Variants in OCM2 observed in about 807,000 individuals in gnomAD.
OCM2 encodes oncomodulin 2.
A neutral mutation model predicts 13.6 loss-of-function variants in OCM2; 6 were observed. That is an observed-to-expected ratio of 0.44 (90% CI 0.24 to 0.87). The LOEUF is 0.87. OCM2 is among the 40% of genes least tolerant of loss of function. The probability of loss-of-function intolerance (pLI) is 0.22; values close to 1 mark genes in which losing one functional copy is unlikely to be tolerated. For missense variants in OCM2, 118 were observed against 136.8 expected (o/e 0.86, Z 0.68); for synonymous variants, 40 against 50.7 (o/e 0.79, Z 0.90).
In OCM2 at chr7:97,987,920, G is replaced by A. The variant is rs370063643; in HGVS notation, c.194+496C>T. Among the ~76,000 whole-genome samples, 26 of 152,148 alleles carry A rather than the reference G, an allele frequency of 1.7e-4. No homozygotes were observed. In the East Asian group the frequency reaches 2.9e-3, roughly 17 times the overall value. ...TGAAAGAATCTTTGCGGCTGGGCAC[G>A]GTGGCTCACACCTGTAATCCCAGCA... On this transcript the variant is annotated intron_variant, in intron 2 of 3. Coordinates refer to ENST00000257627, the Ensembl canonical transcript of OCM2.
At chr7:97,987,832 G>A (rs928067623) in intron 2 of OCM2, among the ~76,000 whole-genome samples, 1 of 152,176 alleles carries the variant, frequency 6.6e-6, no homozygotes, top group Non-Finnish European at 1.5e-5. Context: ...ACAGGCGTGA[G>A]CCACCGCGCT....
At chr7:97,987,967 G>A (rs1199672322) in intron 2 of OCM2, among the ~76,000 whole-genome samples, 1 of 152,154 alleles carries the variant, frequency 6.6e-6, no homozygotes, top group Admixed American at 6.6e-5. Flanking sequence ...CAAGGCAGGA[G>A]GATCACTTGA....
At chr7:97,989,817 C>G (rs1794714143) in intron 1 of OCM2, among the ~76,000 whole-genome samples, 1 of 151,516 alleles carries the variant, frequency 6.6e-6, no homozygotes. Context: ...ACCACCACGC[C>G]TGGCTAATTT....
chr7:97,988,385 A>G (rs12704956), intron 2 of OCM2, 31 bp downstream of exon 2: 140,776 of 1,613,156 alleles, frequency 0.087, 6,923 homozygotes, highest in Middle Eastern at 0.15. Flanking sequence ...CAGCAGTGCC[A>G]GGTACCAGAC....
chr7:97,988,810 C>G (rs1171032173), intron 1 of OCM2, among the ~76,000 whole-genome samples: 1 of 152,092 alleles, frequency 6.6e-6, no homozygotes, highest in Admixed American at 6.6e-5. Flanking sequence ...GTGCCTCCCC[C>G]TCCCCCTGGC....
At chr7:97,988,933 CTTTT>C (rs67400420) in intron 1 of OCM2, among the ~76,000 whole-genome samples, 2 of 134,612 alleles carry the variant, frequency 1.5e-5, no homozygotes, top group Admixed American at 7.6e-5. Context: ...TTCTTTCTTT[CTTTT>C]TTTTTTTTTT....
At chr7:97,985,186 C>T (rs11767728) in intron 3 of OCM2, among the ~76,000 whole-genome samples, 15,521 of 151,992 alleles carry the variant, frequency 0.1, 1,202 homozygotes, top group South Asian at 0.26. Context: ...TTTGGGAGGC[C>T]GAAGCGGGTG....
intron 3 of OCM2, among the ~76,000 whole-genome samples, chr7:97,986,823 A>C (rs756522417): frequency 1.3e-5 from 2 of 152,150 alleles, no homozygotes; most frequent in Non-Finnish European, 2.9e-5. Context: ...ATAGACAATG[A>C]CCAGTGTGAC....
intron 1 of OCM2, 28 bp downstream of exon 1, chr7:97,990,016 T>TGCCCCCCCCCCCCCC: frequency 4.6e-6 from 5 of 1,083,840 alleles, no homozygotes; most frequent in South Asian, 1.2e-5. Flanking sequence ...TGTGAGGAAA[T>TGCCCCCCCCCCCCCC]CCCACCCCCG....
chr7:97,988,677 G>C (rs955269659), intron 1 of OCM2, 129 bp from the exon 2 acceptor site: 18 of 1,297,146 alleles, frequency 1.4e-5, no homozygotes, highest in Admixed American at 3.9e-5. Flanking sequence ...TGCTCAACTG[G>C]TCTAAGATTT....
exon 1 of OCM2, chr7:97,990,125 A>C (rs780538475): frequency 1.2e-6 from 2 of 1,613,288 alleles, no homozygotes; most frequent in South Asian, 2.2e-5. Context: ...CTCACACAGA[A>C]TAAACGAGAG....
chr7:97,988,437 T>C (rs1247993804), exon 2 of OCM2: 1 of 1,614,068 alleles, frequency 6.2e-7, no homozygotes, highest in Admixed American at 1.7e-5. Flanking sequence ...TTCATCCAGA[T>C]ACCCGCTCTG....
At chr7:97,989,788 G>T (rs1794713753) in intron 1 of OCM2, among the ~76,000 whole-genome samples, 1 of 150,978 alleles carries the variant, frequency 6.6e-6, no homozygotes, top group African/African-American at 2.4e-5. Context: ...CTCCCGAGTA[G>T]CTGGGATTAC....
intron 1 of OCM2, 22 bp downstream of exon 1, chr7:97,990,016 TCCCACC>T: frequency 5.5e-6 from 6 of 1,083,822 alleles, no homozygotes; most frequent in Non-Finnish European, 8.4e-6. Flanking sequence ...TGTGAGGAAA[TCCCACC>T]CCCGCCCCAC....
chr7:97,986,902 T>C, intron 3 of OCM2, 145 bp downstream of exon 3: 2 of 1,333,258 alleles, frequency 1.5e-6, no homozygotes, highest in South Asian at 1.5e-5. Context: ...CTTACTTTAG[T>C]CTCATTTTAC....
intron 2 of OCM2, 124 bp from the exon 3 acceptor site, chr7:97,987,280 AG>A (rs1794682243): frequency 9.3e-7 from 1 of 1,080,364 alleles, no homozygotes; most frequent in Non-Finnish European, 1.4e-6. Flanking sequence ...CCAAGGTCTT[AG>A]CAAGCAAAGG....
At chr7:97,990,016 T>TGCG in intron 1 of OCM2, 28 bp downstream of exon 1, 8 of 1,083,830 alleles carry the variant, frequency 7.4e-6, no homozygotes, top group African/African-American at 1.6e-5. Context: ...TGTGAGGAAA[T>TGCG]CCCACCCCCG....
intron 1 of OCM2, 86 bp downstream of exon 1, chr7:97,989,958 G>A (rs1419817011): frequency 5.7e-6 from 8 of 1,405,576 alleles, no homozygotes; most frequent in Admixed American, 1.7e-5. Context: ...GCGTCTGGCC[G>A]CCTGGCCTAC....
At chr7:97,989,824 A>T (rs1794714189) in intron 1 of OCM2, among the ~76,000 whole-genome samples, 1 of 150,974 alleles carries the variant, frequency 6.6e-6, no homozygotes, top group African/African-American at 2.4e-5. Context: ...CGCCTGGCTA[A>T]TTTTTTTGTA....
Sources: allele counts gnomAD v4.1 joint callset (sites outside exome capture counted in the v4.1 genomes callset), GRCh38; gene constraint gnomAD v4.1.1; transcripts MANE v1.5; gene names NCBI Gene and HGNC (gene_info 2026-07-23, HGNC 2026-07-21).